The following PPP1R13B variants were observed in gnomAD, a reference collection of about 807,000 sequenced individuals.
The protein encoded by PPP1R13B is protein phosphatase 1 regulatory subunit 13B.
Under a neutral mutation model 119.8 loss-of-function variants are expected in PPP1R13B, and 44 were observed. The observed-to-expected ratio is 0.37, with a 90% CI of 0.29 to 0.47. The LOEUF (loss-of-function observed/expected upper bound fraction) is 0.47, where lower values mean the gene tolerates loss of function less well. Ranked by LOEUF, PPP1R13B falls within the 20% of genes least tolerant of loss-of-function variation. The pLI is 0.99. For missense variants in PPP1R13B, 1,227 were observed against 1,413.5 expected, an observed-to-expected ratio of 0.87 and a Z score of 2.12; for synonymous variants, 542 against 561.5, an observed-to-expected ratio of 0.97 and a Z score of 0.49.
intron 4 of PPP1R13B, among the ~76,000 whole-genome samples, chr14:103,768,342 C>T (rs2084985272): frequency 6.6e-6 from 1 of 152,092 alleles, no homozygotes; most frequent in Non-Finnish European, 1.5e-5. Context: ...TGTCGCCAGG[C>T]TGGAGTGCAA....
intron 1 of PPP1R13B, among the ~76,000 whole-genome samples, chr14:103,834,305 G>A (rs1352227394): frequency 2.0e-5 from 3 of 152,302 alleles, no homozygotes; most frequent in Non-Finnish European, 4.4e-5. Context: ...GAAACCAGGA[G>A]GCAGAGGTTG....
chr14:103,770,660 T>C (rs1451678377), intron 4 of PPP1R13B, among the ~76,000 whole-genome samples: 1 of 152,086 alleles, frequency 6.6e-6, no homozygotes, highest in Non-Finnish European at 1.5e-5. Flanking sequence ...ACGCATCCCA[T>C]GCCACATGAG....
At chr14:103,803,188 T>C (rs555802719) in intron 1 of PPP1R13B, among the ~76,000 whole-genome samples, 3 of 152,294 alleles carry the variant, frequency 2.0e-5, no homozygotes, top group African/African-American at 4.8e-5. Context: ...TTTGAAATCA[T>C]AGTACACCTC....
intron 3 of PPP1R13B, among the ~76,000 whole-genome samples, chr14:103,783,532 G>A (rs762586048): frequency 8.6e-5 from 13 of 151,536 alleles, no homozygotes; most frequent in Middle Eastern, 3.5e-3. Context: ...GATTATAGGC[G>A]TGAGCCACCA....
intron 1 of PPP1R13B, 97 bp from the exon 2 acceptor site, chr14:103,797,615 C>T (rs1229058960): frequency 1.9e-5 from 10 of 520,198 alleles, no homozygotes; most frequent in Non-Finnish European, 2.5e-5. Flanking sequence ...CCCCCGCCCC[C>T]AAAATGCCTA....
At chr14:103,778,679 T>A in intron 4 of PPP1R13B, 66 bp downstream of exon 4, 1 of 1,332,460 alleles carries the variant, frequency 7.5e-7, no homozygotes, top group Non-Finnish European at 1.1e-6. Flanking sequence ...GTGCTGAGAT[T>A]ACAGGTGTAA....
intron 4 of PPP1R13B, among the ~76,000 whole-genome samples, chr14:103,760,605 T>C (rs1424634436): frequency 6.6e-6 from 1 of 152,170 alleles, no homozygotes; most frequent in Admixed American, 6.5e-5. Flanking sequence ...CGATGATCCC[T>C]TCGGCAGGGA....
intron 11 of PPP1R13B, 44 bp downstream of exon 11, chr14:103,741,746 T>A (rs1383419375): frequency 1.3e-6 from 2 of 1,555,162 alleles, no homozygotes; most frequent in African/African-American, 2.8e-5. Flanking sequence ...ATTAAAAGTA[T>A]AATTTCCTAG....
intron 4 of PPP1R13B, among the ~76,000 whole-genome samples, chr14:103,765,205 C>T (rs11160759): frequency 0.45 from 67,732 of 151,956 alleles, 15,594 homozygotes; most frequent in African/African-American, 0.56. Context: ...TTTCCTTGTG[C>T]ACGTGATTTT....
chr14:103,751,184 C>A (rs1477149412), intron 7 of PPP1R13B, among the ~76,000 whole-genome samples: 2 of 152,136 alleles, frequency 1.3e-5, no homozygotes, highest in Non-Finnish European at 2.9e-5. Flanking sequence ...AACAAACAAA[C>A]AAAAACCTGG....
rs1382619449 is a variant in PPP1R13B, at chr14:103,745,144, C to T, written c.1150+1229G>A. 2.6e-5 allele frequency among the ~76,000 whole-genome samples: 4 copies of T among 152,342 alleles called. No homozygotes were observed. In the East Asian group the frequency reaches 7.7e-4, roughly 29 times the overall value. On this transcript the variant is annotated intron_variant, in intron 9 of 16. Coordinates refer to ENST00000202556, the MANE Select transcript of PPP1R13B (RefSeq NM_015316.3). ...GCCAACCCCACACTTTATGTGGCTG[C>T]TGAGACACGGCCGTAAGGGATCTGA... is the stretch of plus-strand genomic sequence containing the variant.
intron 4 of PPP1R13B, among the ~76,000 whole-genome samples, chr14:103,773,442 T>G (rs2085116034): frequency 6.6e-6 from 1 of 152,228 alleles, no homozygotes; most frequent in African/African-American, 2.4e-5. Flanking sequence ...CACCTGGCTC[T>G]GCTCACAAGG....
At chr14:103,751,098 G>A (rs2084533624) in intron 7 of PPP1R13B, among the ~76,000 whole-genome samples, 1 of 152,104 alleles carries the variant, frequency 6.6e-6, no homozygotes, top group Non-Finnish European at 1.5e-5. Context: ...AGGTTGCAGT[G>A]AGCCGAGATC....
At chr14:103,818,894 T>A (rs2086339620) in intron 1 of PPP1R13B, among the ~76,000 whole-genome samples, 1 of 152,136 alleles carries the variant, frequency 6.6e-6, no homozygotes, top group Non-Finnish European at 1.5e-5. Flanking sequence ...TACTATATAG[T>A]ATGGAAAAAA....
intron 2 of PPP1R13B, among the ~76,000 whole-genome samples, 200 bp from the exon 3 acceptor site, chr14:103,785,114 T>G (rs115307265): frequency 6.6e-6 from 1 of 152,200 alleles, no homozygotes; most frequent in African/African-American, 2.4e-5. Flanking sequence ...AGGCAACAGA[T>G]AAACACAAAA....
intron 2 of PPP1R13B, among the ~76,000 whole-genome samples, chr14:103,794,300 C>T (rs2085701512): frequency 6.6e-6 from 1 of 150,488 alleles, no homozygotes; most frequent in Non-Finnish European, 1.5e-5. Flanking sequence ...CTAATGTCAG[C>T]AGTTATGGGG....
chr14:103,823,986 T>C (rs1213345284), intron 1 of PPP1R13B, among the ~76,000 whole-genome samples: 1 of 151,782 alleles, frequency 6.6e-6, no homozygotes, highest in African/African-American at 2.4e-5. Flanking sequence ...AGTAGAATGT[T>C]AGTTTTCCAG....
intron 2 of PPP1R13B, among the ~76,000 whole-genome samples, chr14:103,785,653 A>T (rs545772058): frequency 2.4e-4 from 36 of 151,418 alleles, no homozygotes; most frequent in African/African-American, 8.7e-4. Context: ...CTGGGATTAC[A>T]GGTGCCCACC....
intron 1 of PPP1R13B, among the ~76,000 whole-genome samples, chr14:103,834,677 G>A (rs1276877028): frequency 7.9e-6 from 1 of 127,008 alleles, no homozygotes. Flanking sequence ...CACAACCTCC[G>A]CCCTCCGGGT....
Sources: allele counts gnomAD v4.1 joint callset (sites outside exome capture counted in the v4.1 genomes callset), GRCh38; gene constraint gnomAD v4.1.1; transcripts MANE v1.5; gene names NCBI Gene and HGNC (gene_info 2026-07-23, HGNC 2026-07-21).